The following ADAM23 variants were observed in gnomAD, a reference collection of about 807,000 sequenced individuals.
ADAM23 encodes disintegrin and metalloproteinase domain-containing protein 23.
ADAM23 carries 33 observed loss-of-function variants against 120.1 expected under a neutral mutation model. The observed-to-expected ratio is 0.27, with a 90% CI of 0.21 to 0.37. The LOEUF (loss-of-function observed/expected upper bound fraction) is 0.37, where lower values mean the gene tolerates loss of function less well. Ranked by LOEUF, ADAM23 falls within the 10% of genes least tolerant of loss-of-function variation. The probability of loss-of-function intolerance (pLI) is 1.00; values close to 1 mark genes in which losing one functional copy is unlikely to be tolerated. For synonymous variants in ADAM23, 367 were observed against 375.2 expected (o/e 0.98, Z 0.25); for missense variants, 862 against 1,058.2 (o/e 0.81, Z 2.57).
rs552843748 is a variant in ADAM23, at chr2:206,503,332, G to A, written c.509+22024G>A. On this transcript the variant is annotated intron_variant, in intron 3 of 25. Transcript: ENST00000264377. Reference sequence around the variant, plus strand: ...GTGATTTCTTACAGTAGACAAGAAGGTACTTGTCTGAAAGTTAAAGGAGAG... The same window carrying A: ...GTGATTTCTTACAGTAGACAAGAAGATACTTGTCTGAAAGTTAAAGGAGAG... Among the ~76,000 whole-genome samples, 8 of 152,154 alleles carry A rather than the reference G, an allele frequency of 5.3e-5. No homozygotes were observed. The South Asian group carries it at 1.5e-3, about 28-fold the overall frequency.
intron 3 of ADAM23, among the ~76,000 whole-genome samples, chr2:206,499,244 C>T (rs905091063): frequency 6.6e-6 from 1 of 151,886 alleles, no homozygotes; most frequent in South Asian, 2.1e-4. Flanking sequence ...TTGGAACCAA[C>T]CCAAATGTCC....
chr2:206,547,492 A>G lies in ADAM23; in HGVS notation c.784A>G (p.Lys262Glu), dbSNP rs1559258464. ...GGCAGGACAGTATTCTAAGCAAATG[A>G]AGAATCTCAGTAAGTTTTAACTAAA... ...TLAGQYSKQMKNLTMERGDQW... is the reference protein window; with the variant it reads ...TLAGQYSKQMENLTMERGDQW... The change falls in exon 7 of 26, where the codon AAG (lysine) becomes GAG (glutamate). Residue 262 changes from lysine (K) to glutamate (E), a missense_variant. Physicochemically the swap from Lys to Glu is moderately conservative, Grantham distance 56 (BLOSUM62 1). Transcript: ENST00000264377. The G allele has an allele frequency of 6.2e-7, 1 of 1,611,072 alleles. No individual in the cohort carries two copies. The highest frequency in any genetic ancestry group is 1.7e-4 in the Middle Eastern group (1 of 6,048).
intron 2 of ADAM23, among the ~76,000 whole-genome samples, chr2:206,460,464 A>G (rs1200062876): frequency 3.3e-5 from 5 of 152,158 alleles, no homozygotes; most frequent in African/African-American, 7.2e-5. Context: ...GTTTGGTTGC[A>G]TTTCCCTAAT....
chr2:206,540,941 TTTTATAAATATTA>T (rs1333286723), intron 4 of ADAM23, among the ~76,000 whole-genome samples: 26 of 147,850 alleles, frequency 1.8e-4, no homozygotes, highest in African/African-American at 5.4e-4. Context: ...TATAAAATTC[TTTTATAAATATTA>T]TTTATAAATA....
chr2:206,609,824 T>A, intron 24 of ADAM23, 86 bp from the exon 25 acceptor site: 1 of 1,081,170 alleles, frequency 9.2e-7, no homozygotes, highest in Non-Finnish European at 1.3e-6. Flanking sequence ...GGATATTTAC[T>A]TCCTGAAACT....
chr2:206,602,642 T>C (rs968902032), intron 24 of ADAM23, among the ~76,000 whole-genome samples: 27 of 152,144 alleles, frequency 1.8e-4, no homozygotes, highest in African/African-American at 5.8e-4. Flanking sequence ...CATCTTCTTA[T>C]TTGAGAAACT....
rs1315059267 is a variant in ADAM23 at position 206,486,179 on chromosome 2, A to G, written c.509+4871A>G. Among the ~76,000 whole-genome samples the G allele has an allele frequency of 2.6e-5, 4 of 152,138 alleles. No individual in the cohort carries two copies. The East Asian group carries it at 7.7e-4, about 29-fold the overall frequency. On this transcript the variant is annotated intron_variant, in intron 3 of 25. Transcript: ENST00000264377. ...ACATGGTCAGATTTCTATTTTATTT[A>G]GCCCCAAAGGTCTTAGTTATGGCCT...
intron 11 of ADAM23, among the ~76,000 whole-genome samples, chr2:206,560,776 T>C (rs1697747337): frequency 6.6e-6 from 1 of 152,198 alleles, no homozygotes; most frequent in South Asian, 2.1e-4. Flanking sequence ...GTTTTTTCAG[T>C]CTTTAATCAG....
intron 21 of ADAM23, among the ~76,000 whole-genome samples, chr2:206,590,040 TA>T (rs1468503471): frequency 6.6e-6 from 1 of 152,178 alleles, no homozygotes; most frequent in African/African-American, 2.4e-5. Flanking sequence ...TAGTACATAT[TA>T]AAGCCATCTT....
At chr2:206,604,032 C>A (rs910441514) in intron 24 of ADAM23, among the ~76,000 whole-genome samples, 2 of 151,478 alleles carry the variant, frequency 1.3e-5, no homozygotes, top group Non-Finnish European at 2.9e-5. Flanking sequence ...TTTGGGAGGC[C>A]GAGGCAGGCA....
Position 206,547,434 on chromosome 2 carries a change from C to T in ADAM23, c.726C>T (p.Ser242=), listed in dbSNP as rs773233741. The T allele has an allele frequency of 1.2e-5, 20 of 1,611,696 alleles. No homozygotes were observed. The highest frequency in any genetic ancestry group is 1.7e-5 in the Non-Finnish European group (20 of 1,178,640). The stretch of plus-strand genomic sequence containing the variant: ...CTACAATTGTTTTGTTTCAGAAAAG[C>T]ACAGGTCGACCACATATAATCCAGA... ...EPLELVHDEK[S]TGRPHIIQKT... is the part of the protein sequence containing the mutation. The change falls in exon 7 of 26, where the codon AGC becomes AGT. Residue 242 remains serine, a synonymous_variant. Transcript: ENST00000264377.
chr2:206,573,495 T>C (rs1418069295), intron 18 of ADAM23, among the ~76,000 whole-genome samples: 2 of 152,150 alleles, frequency 1.3e-5, no homozygotes, highest in African/African-American at 2.4e-5. Context: ...AGCAAAGATA[T>C]CACTATCTCA....
chr2:206,582,854 CTGTT>C (rs1445539527), intron 18 of ADAM23, among the ~76,000 whole-genome samples: 4 of 152,074 alleles, frequency 2.6e-5, no homozygotes, highest in Non-Finnish European at 5.9e-5. Context: ...TGGCTAATAA[CTGTT>C]TGAGGAGGCT....
intron 24 of ADAM23, among the ~76,000 whole-genome samples, chr2:206,601,675 G>T (rs371418390): frequency 7.9e-5 from 12 of 151,414 alleles, no homozygotes; most frequent in Admixed American, 4.0e-4. Context: ...TTGGGAGGCT[G>T]AAGTGGGAGG....
intron 2 of ADAM23, among the ~76,000 whole-genome samples, chr2:206,468,506 A>T (rs1406730057): frequency 6.6e-6 from 1 of 152,126 alleles, no homozygotes; most frequent in Non-Finnish European, 1.5e-5. Context: ...GTTCCCAATA[A>T]GTTCCTCTTC....
chr2:206,596,524 A>G (rs887560475), intron 24 of ADAM23, among the ~76,000 whole-genome samples: 9 of 152,142 alleles, frequency 5.9e-5, no homozygotes, highest in African/African-American at 2.2e-4. Flanking sequence ...GGCTGACATG[A>G]GGCTCTGGTT....
intron 18 of ADAM23, among the ~76,000 whole-genome samples, chr2:206,586,798 C>T (rs1698330480): frequency 6.6e-6 from 1 of 152,146 alleles, no homozygotes; most frequent in Non-Finnish European, 1.5e-5. Context: ...GTTCTAGTAA[C>T]ATGTCTGCAG....
chr2:206,599,784 C>T (rs1022904517), intron 24 of ADAM23, among the ~76,000 whole-genome samples: 7 of 152,174 alleles, frequency 4.6e-5, no homozygotes, highest in African/African-American at 1.7e-4. Flanking sequence ...TCAGTTTATC[C>T]ATATTCATTT....
chr2:206,509,747 C>A (rs1310645160), intron 3 of ADAM23, among the ~76,000 whole-genome samples: 1 of 152,162 alleles, frequency 6.6e-6, no homozygotes, highest in African/African-American at 2.4e-5. Context: ...CTGCGCCCAG[C>A]CTGTATTTTC....
Sources: gnomAD v4.1 joint callset for allele counts (sites outside exome capture counted in the v4.1 genomes callset) on GRCh38, gnomAD v4.1.1 for gene constraint, MANE v1.5 for transcripts, NCBI Gene and HGNC (gene_info 2026-07-23, HGNC 2026-07-21) for gene names.